Variants in ZNF804B observed in about 807,000 individuals in gnomAD.
ZNF804B encodes the protein zinc finger 804B.
In ZNF804B, 80 loss-of-function variants were observed where a neutral mutation model predicts 101.4. The ratio of observed to expected loss-of-function variants is 0.79; its 90% CI spans 0.66 to 0.95. The LOEUF is 0.95. ZNF804B is among the 40% of genes least tolerant of loss of function. The probability of loss-of-function intolerance (pLI) is 0.00; values close to 1 mark genes in which losing one functional copy is unlikely to be tolerated. For synonymous variants in ZNF804B, 622 were observed against 558.8 expected (o/e 1.11, Z -1.59); for missense variants, 1,673 against 1,561.9 (o/e 1.07, Z -1.20).
chr7:89,028,545 G>T (rs538588833), intron 1 of ZNF804B, among the ~76,000 whole-genome samples: 1 of 152,204 alleles, frequency 6.6e-6, no homozygotes, highest in African/African-American at 2.4e-5. Flanking sequence ...TACTTCATCT[G>T]TTCATTCATG....
chr7:88,951,761 A>C (rs953440386), intron 1 of ZNF804B, among the ~76,000 whole-genome samples: 1 of 151,856 alleles, frequency 6.6e-6, no homozygotes, highest in Non-Finnish European at 1.5e-5. Flanking sequence ...CTCAAACTTT[A>C]AAACAAAACA....
At chr7:89,265,450 A>C (rs1041803505) in intron 2 of ZNF804B, among the ~76,000 whole-genome samples, 3 of 152,320 alleles carry the variant, frequency 2.0e-5, no homozygotes, top group African/African-American at 7.2e-5. Flanking sequence ...ATAGAACTCC[A>C]TAATTTAATT....
chr7:89,285,522 C>CAAAAAAAAAAAAA (rs778078214), intron 2 of ZNF804B, among the ~76,000 whole-genome samples: 40 of 22,392 alleles, frequency 1.8e-3, no homozygotes, highest in Non-Finnish European at 2.3e-3. Context: ...GACTCTGTCT[C>CAAAAAAAAAAAAA]AAAAAAAAAA....
intron 1 of ZNF804B, among the ~76,000 whole-genome samples, chr7:88,819,969 A>C (rs906869729): frequency 4.6e-5 from 7 of 152,160 alleles, no homozygotes; most frequent in Non-Finnish European, 8.8e-5. Context: ...TTTTCAACAC[A>C]TTATAAATAT....
At chr7:88,858,124 G>T (rs996673645) in intron 1 of ZNF804B, among the ~76,000 whole-genome samples, 6 of 151,902 alleles carry the variant, frequency 3.9e-5, no homozygotes, top group Non-Finnish European at 5.9e-5. Flanking sequence ...CACCTGGCCT[G>T]CATTTCTTTA....
At chr7:89,080,037 A>G (rs1256409609) in intron 1 of ZNF804B, among the ~76,000 whole-genome samples, 1 of 151,822 alleles carries the variant, frequency 6.6e-6, no homozygotes, top group Non-Finnish European at 1.5e-5. Flanking sequence ...TTTTTTTAGA[A>G]TGACACAACC....
chr7:89,206,555 C>G (rs1479985628), intron 1 of ZNF804B, among the ~76,000 whole-genome samples: 1 of 152,080 alleles, frequency 6.6e-6, no homozygotes, highest in Non-Finnish European at 1.5e-5. Context: ...AGTTCGAGAC[C>G]AGCCTGGCCA....
chr7:88,956,936 A>G (rs765714550), intron 1 of ZNF804B, among the ~76,000 whole-genome samples: 5 of 151,512 alleles, frequency 3.3e-5, no homozygotes, highest in African/African-American at 7.3e-5. Context: ...TGCTGCATTA[A>G]TTAGAGCAAC....
At chr7:88,852,318 A>G (rs879808066) in intron 1 of ZNF804B, among the ~76,000 whole-genome samples, 4 of 152,070 alleles carry the variant, frequency 2.6e-5, no homozygotes, top group Non-Finnish European at 5.9e-5. Flanking sequence ...TGGTCAGAAT[A>G]GTTGGTATTC....
At chr7:88,783,361 C>T (rs1244756868) in intron 1 of ZNF804B, among the ~76,000 whole-genome samples, 3 of 152,086 alleles carry the variant, frequency 2.0e-5, no homozygotes, top group Non-Finnish European at 2.9e-5. Flanking sequence ...ATGGGGACTA[C>T]CTCTAGCTTC....
intron 1 of ZNF804B, among the ~76,000 whole-genome samples, chr7:89,186,524 C>T (rs1761500621): frequency 6.6e-6 from 1 of 151,756 alleles, no homozygotes; most frequent in African/African-American, 2.4e-5. Flanking sequence ...GTCATGTGGC[C>T]AAATGCATGT....
intron 2 of ZNF804B, among the ~76,000 whole-genome samples, chr7:89,229,279 C>T (rs933122616): frequency 4.6e-5 from 7 of 152,208 alleles, no homozygotes; most frequent in African/African-American, 1.4e-4. Flanking sequence ...TGCCAGCACG[C>T]TGTCACCTCT....
chr7:89,178,704 C>A (rs1157944588), intron 1 of ZNF804B, among the ~76,000 whole-genome samples: 1 of 152,046 alleles, frequency 6.6e-6, no homozygotes, highest in African/African-American at 2.4e-5. Context: ...AGTTTAGATA[C>A]CACAATTACG....
At chr7:89,310,334 ACTGAAGCCAAGATTCTGATATGT>A (rs1382314647) in intron 2 of ZNF804B, among the ~76,000 whole-genome samples, 12 of 152,158 alleles carry the variant, frequency 7.9e-5, no homozygotes, top group Admixed American at 2.0e-4. Flanking sequence ...TGATTAAGCC[ACTGAAGCCAAGATTCTGATATGT>A]ATAGCTCAAC....
At chr7:89,131,495 T>C (rs1234990740) in intron 1 of ZNF804B, among the ~76,000 whole-genome samples, 1 of 151,934 alleles carries the variant, frequency 6.6e-6, no homozygotes, top group Admixed American at 6.6e-5. Context: ...GAAAGGTAGA[T>C]AGACCCCATA....
chr7:89,271,379 G>T (rs573127569), intron 2 of ZNF804B, among the ~76,000 whole-genome samples: 28 of 152,168 alleles, frequency 1.8e-4, no homozygotes, highest in South Asian at 6.2e-4. Flanking sequence ...TTATTGATTT[G>T]CATATGTTCA....
chr7:89,176,591 C>CTTTTTTTTTTTTTTTTTTTTTTTTTT (rs35866405), intron 1 of ZNF804B, among the ~76,000 whole-genome samples: 12 of 71,952 alleles, frequency 1.7e-4, no homozygotes, highest in East Asian at 7.2e-4. Flanking sequence ...TTCTTTCTTT[C>CTTTTTTTTTTTTTTTTTTTTTTTTTT]TTTTTTTTTT....
intron 1 of ZNF804B, among the ~76,000 whole-genome samples, chr7:88,800,609 C>A (rs1402926002): frequency 6.6e-6 from 1 of 151,042 alleles, no homozygotes; most frequent in Admixed American, 6.6e-5. Flanking sequence ...AAACAATGAA[C>A]AATGAAAGCA....
At chr7:88,913,738 G>A (rs968959186) in intron 1 of ZNF804B, among the ~76,000 whole-genome samples, 1 of 152,174 alleles carries the variant, frequency 6.6e-6, no homozygotes, top group Admixed American at 6.5e-5. Context: ...CTCTTAAACA[G>A]TGTGTTGTCC....
Sources: allele counts gnomAD v4.1 joint callset (sites outside exome capture counted in the v4.1 genomes callset), GRCh38; gene constraint gnomAD v4.1.1; transcripts MANE v1.5; gene names NCBI Gene and HGNC (gene_info 2026-07-23, HGNC 2026-07-21).